CAMTA1: variants seen among roughly 807,000 people sequenced by gnomAD.
CAMTA1 encodes calmodulin binding transcription activator 1.
Under a neutral mutation model 170.9 loss-of-function variants are expected in CAMTA1, and 27 were observed. The ratio of observed to expected loss-of-function variants is 0.16; its 90% CI spans 0.12 to 0.22. CAMTA1 has a LOEUF of 0.22. Among genes scored for constraint, CAMTA1 ranks in the 10% least tolerant of loss-of-function variants. The pLI is 1.00. For missense variants in CAMTA1, 1,619 were observed against 2,217.2 expected, an observed-to-expected ratio of 0.73 and a Z score of 5.42; for synonymous variants, 833 against 891.5, an observed-to-expected ratio of 0.93 and a Z score of 1.17.
At chr1:7,423,266 C>G (rs140684187) in intron 5 of CAMTA1, among the ~76,000 whole-genome samples, 1,597 of 152,222 alleles carry the variant, frequency 0.01, 35 homozygotes, top group African/African-American at 0.036. Context: ...AGGTCAGGAG[C>G]TCGAGACTAG....
Position 7,456,126 on chromosome 1 carries a change from G to A in CAMTA1, c.439-11704G>A, listed in dbSNP as rs2092945919. ...CTTAATGCAGGCAGACCTGGTGAAG[G>A]GTGAGGGGGTACCCATAACAGAGGG... On this transcript the variant is annotated intron_variant, in intron 5 of 22. Transcript: ENST00000303635. The surrounding 1 kb of genome is among the most constrained non-coding windows in gnomAD (Gnocchi z 4.9). Among the ~76,000 whole-genome samples the A allele has an allele frequency of 6.6e-6, 1 of 152,060 alleles. No homozygotes were observed. The highest frequency in any genetic ancestry group is 1.5e-5 in the Non-Finnish European group (1 of 68,014).
Position 7,546,826 on chromosome 1 carries a change from A to G in CAMTA1, c.510+78925A>G, listed in dbSNP as rs575043584. 8.4e-4 allele frequency among the ~76,000 whole-genome samples: 128 copies of G among 151,878 alleles called. 1 individual carries two copies. Among genetic ancestry groups the G allele is most frequent in the African/African-American group, 3.0e-3 (122 of 41,164 alleles). On this transcript the variant is annotated intron_variant, in intron 6 of 22. Coordinates refer to ENST00000303635, the MANE Select transcript of CAMTA1 (RefSeq NM_015215.4). ...TATTTTGAAAAGTGTCTGTTGATGCAGGATTTCCATTTTACTCATGACTGG... is the reference window on the plus strand; with the variant it reads ...TATTTTGAAAAGTGTCTGTTGATGCGGGATTTCCATTTTACTCATGACTGG...
At chr1:7,586,631 G>A (rs567651035) in intron 6 of CAMTA1, among the ~76,000 whole-genome samples, 2 of 152,266 alleles carry the variant, frequency 1.3e-5, no homozygotes, top group South Asian at 2.1e-4. Flanking sequence ...CACCAGCTGG[G>A]CAACAATACC....
In CAMTA1 at chr1:6,815,232, TCTCA is replaced by T. The variant is rs563471685; in HGVS notation, c.46-4945_46-4942del. Among the ~76,000 whole-genome samples the T allele has an allele frequency of 8.6e-5, 13 of 151,164 alleles. No homozygotes were observed. The East Asian group carries it at 2.5e-3, about 29-fold the overall frequency. On this transcript the variant is annotated intron_variant, in intron 1 of 22. Coordinates refer to ENST00000303635, the MANE Select transcript of CAMTA1 (RefSeq NM_015215.4). ...TTTCTTTTTTTTTTTTGAGACGGGG[TCTCA>T]CTCTGTTGCCTAGGCTATAGTGCAG... is the stretch of plus-strand genomic sequence containing the variant.
intron 5 of CAMTA1, among the ~76,000 whole-genome samples, chr1:7,341,860 G>C (rs943275228): frequency 9.2e-5 from 14 of 152,162 alleles, no homozygotes; most frequent in African/African-American, 3.1e-4. Flanking sequence ...GCCTCCTGGG[G>C]AGGAGGGCAG....
chr1:7,116,022 A>G (rs552236328), intron 4 of CAMTA1, among the ~76,000 whole-genome samples: 34 of 152,338 alleles, frequency 2.2e-4, no homozygotes, highest in Middle Eastern at 3.4e-3. Context: ...TTCGTGGCCC[A>G]GTTAGATTGA....
chr1:7,079,079 G>A (rs527306948), intron 3 of CAMTA1, among the ~76,000 whole-genome samples: 1 of 152,306 alleles, frequency 6.6e-6, no homozygotes, highest in African/African-American at 2.4e-5. Flanking sequence ...GCTCATACAG[G>A]ACTCGGAGGT....
At chr1:6,903,245 G>A (rs1274061085) in intron 3 of CAMTA1, among the ~76,000 whole-genome samples, 1 of 152,214 alleles carries the variant, frequency 6.6e-6, no homozygotes, top group Non-Finnish European at 1.5e-5. Context: ...CTTAAGAGTA[G>A]GGAGGGGAAT....
chr1:7,740,148 T>G (rs2096801216), intron 16 of CAMTA1, among the ~76,000 whole-genome samples: 1 of 152,196 alleles, frequency 6.6e-6, no homozygotes, highest in African/African-American at 2.4e-5. Context: ...ACCACTGCAG[T>G]CATAGGGAGG....
chr1:6,927,618 T>A (rs1683573416), intron 3 of CAMTA1, among the ~76,000 whole-genome samples: 1 of 152,226 alleles, frequency 6.6e-6, no homozygotes, highest in South Asian at 2.1e-4. Context: ...GTACTCACTT[T>A]TTCTTTCAGC....
rs1230409846 is a variant in CAMTA1, at chr1:7,588,908, T to G, written c.511-51492T>G. On this transcript the variant is annotated intron_variant, in intron 6 of 22. Coordinates refer to ENST00000303635, the MANE Select transcript of CAMTA1 (RefSeq NM_015215.4). This position sits in a 1 kb window ranked among gnomAD's most constrained non-coding sequence, Gnocchi z 5.8. ...ACCCCGCATCAGGTGCTTATTATTT[T>G]CTGCCACGATCAGGGAAGACTGATC... 6.6e-6 allele frequency among the ~76,000 whole-genome samples: 1 copy of G among 152,250 alleles called. No homozygotes were observed. The highest frequency in any genetic ancestry group is 6.5e-5 in the Admixed American group (1 of 15,290).
chr1:7,706,497 G>C (rs1481938018), intron 11 of CAMTA1, among the ~76,000 whole-genome samples: 1 of 152,192 alleles, frequency 6.6e-6, no homozygotes, highest in Non-Finnish European at 1.5e-5. Flanking sequence ...CGGATCAAGA[G>C]AAATGCATTA....
chr1:7,136,779 C>T (rs1001912502), intron 4 of CAMTA1, among the ~76,000 whole-genome samples: 59 of 152,166 alleles, frequency 3.9e-4, no homozygotes, highest in Admixed American at 1.0e-3. Flanking sequence ...GCCTCTTCCT[C>T]GTGAAACCGC....
intron 5 of CAMTA1, among the ~76,000 whole-genome samples, chr1:7,277,740 C>G (rs1340293336): frequency 1.3e-5 from 2 of 151,334 alleles, no homozygotes; most frequent in Non-Finnish European, 2.9e-5. Flanking sequence ...GTCCATCTTT[C>G]TGAATGCTTT....
At chr1:7,527,006 C>A (rs1381037298) in intron 6 of CAMTA1, among the ~76,000 whole-genome samples, 1 of 152,124 alleles carries the variant, frequency 6.6e-6, no homozygotes, top group Admixed American at 6.5e-5. Flanking sequence ...GGTCTCTCCA[C>A]CCCCACGGCT....
chr1:7,238,805 C>T (rs1273926045), intron 4 of CAMTA1, among the ~76,000 whole-genome samples: 2 of 152,186 alleles, frequency 1.3e-5, no homozygotes, highest in Non-Finnish European at 2.9e-5. Context: ...ATTGCTTGAA[C>T]CCGGGAGGTG....
chr1:7,435,949 A>G lies in CAMTA1; in HGVS notation c.439-31881A>G, dbSNP rs977117299. Among the ~76,000 whole-genome samples the G allele has an allele frequency of 6.6e-6, 1 of 152,136 alleles. No individual in the cohort carries two copies. Among genetic ancestry groups the G allele is most frequent in the Non-Finnish European group, 1.5e-5 (1 of 68,002 alleles). ...GGTACAAGAGGCACCTCAGGAGCAG[A>G]GGAGGGAGCTGGGAAGCTCCCCATG... On this transcript the variant is annotated intron_variant, in intron 5 of 22. Transcript: ENST00000303635. The surrounding 1 kb of genome is among the most constrained non-coding windows in gnomAD (Gnocchi z 4.4).
intron 3 of CAMTA1, among the ~76,000 whole-genome samples, chr1:6,904,666 C>T (rs1351158281): frequency 6.7e-6 from 1 of 148,816 alleles, no homozygotes; most frequent in Non-Finnish European, 1.5e-5. Context: ...CTTCCAGGCT[C>T]AAGCAGTCCT....
intron 6 of CAMTA1, among the ~76,000 whole-genome samples, chr1:7,525,646 T>G (rs1420890550): frequency 6.6e-6 from 1 of 152,018 alleles, no homozygotes; most frequent in Non-Finnish European, 1.5e-5. Flanking sequence ...CAATCCCAGC[T>G]GGAAAGATGA....
Sources: gnomAD v4.1 joint callset for allele counts (sites outside exome capture counted in the v4.1 genomes callset) on GRCh38, gnomAD v4.1.1 for gene constraint, Gnocchi (gnomAD v3.1) non-coding constraint, MANE v1.5 for transcripts, NCBI Gene and HGNC (gene_info 2026-07-23, HGNC 2026-07-21) for gene names.